Variants in GMPS observed in about 807,000 individuals in gnomAD.
GMPS encodes the protein guanosine monophosphate synthase, also known as GMP synthase [glutamine-hydrolyzing].
In GMPS, 15 loss-of-function variants were observed where a neutral mutation model predicts 77.9. The observed-to-expected ratio is 0.19, with a 90% CI of 0.13 to 0.30. The LOEUF (loss-of-function observed/expected upper bound fraction) is 0.30. Among genes scored for constraint, GMPS ranks in the 10% least tolerant of loss-of-function variants. The pLI, the probability that GMPS is intolerant of heterozygous loss-of-function variation, is 1.00. For synonymous variants in GMPS, 224 were observed against 275.9 expected, an observed-to-expected ratio of 0.81 and a Z score of 1.86; for missense variants, 590 against 838.8, an observed-to-expected ratio of 0.70 and a Z score of 3.66.
intron 5 of GMPS, among the ~76,000 whole-genome samples, chr3:155,907,536 C>G (rs1754924717): frequency 6.6e-6 from 1 of 152,072 alleles, no homozygotes; most frequent in Admixed American, 6.6e-5. Flanking sequence ...CTGCGGTGAG[C>G]TGTGGTTGTG....
chr3:155,907,471 C>T (rs1394496283), intron 5 of GMPS, among the ~76,000 whole-genome samples: 1 of 152,002 alleles, frequency 6.6e-6, no homozygotes, highest in African/African-American at 2.4e-5. Context: ...CATTTGCAGT[C>T]CTAGCTACTC....
chr3:155,922,237 A>G lies in GMPS; in HGVS notation c.1369A>G (p.Lys457Glu), dbSNP rs1755336907. Residue 457 changes from lysine (K) to glutamate (E), a missense_variant, in exon 11 of 16, where the codon AAG becomes GAG. Coordinates refer to ENST00000496455, the MANE Select transcript of GMPS (RefSeq NM_003875.3). ...ATGTGCTGAAGAACCTTATATTTGT[A>G]AGGACTTTCCTGAAACCAACAATAT... ...VICAEEPYIC[K>E]DFPETNNILK... The G allele has an allele frequency of 1.3e-6, 2 of 1,570,876 alleles. No individual in the cohort carries two copies. The highest frequency in any genetic ancestry group is 1.4e-5 in the African/African-American group (1 of 73,676).
At chr3:155,901,912 T>C (rs1754746537) in intron 3 of GMPS, among the ~76,000 whole-genome samples, 1 of 152,210 alleles carries the variant, frequency 6.6e-6, no homozygotes. Context: ...CTTCACTCTT[T>C]ATGGTTTCAC....
rs1159954174 is a variant in GMPS at position 155,942,815 on chromosome 3, T to C, written c.*5123T>C. The C allele has an allele frequency of 9.1e-6, 2 of 218,740 alleles. No homozygotes were observed. The highest frequency in any genetic ancestry group is 1.8e-5 in the Non-Finnish European group (2 of 109,014). The allele number at this position is 218,740 out of a possible 1,614,324, so 13.5% of individuals were successfully genotyped here. ...GGTCATGAAACAGACTGAGCTATTATTGCATCAACACATAAATCCTGTCAT... is the reference window on the plus strand; with the variant it reads ...GGTCATGAAACAGACTGAGCTATTACTGCATCAACACATAAATCCTGTCAT... On this transcript the variant is annotated 3_prime_UTR_variant, in exon 16 of 16. Transcript: ENST00000496455.
intron 5 of GMPS, among the ~76,000 whole-genome samples, chr3:155,910,287 G>T (rs1265693483): frequency 1.3e-5 from 2 of 151,790 alleles, no homozygotes; most frequent in African/African-American, 4.8e-5. Flanking sequence ...AAATAAAATT[G>T]GCTGGGAGCA....
At chr3:155,875,597 A>G (rs1446435458) in intron 1 of GMPS, among the ~76,000 whole-genome samples, 2 of 152,222 alleles carry the variant, frequency 1.3e-5, no homozygotes, top group Non-Finnish European at 2.9e-5. Context: ...AAAATGAATG[A>G]AAGTGTCAGG....
At chr3:155,904,413 C>G (rs1161543604) in intron 4 of GMPS, among the ~76,000 whole-genome samples, 1 of 152,002 alleles carries the variant, frequency 6.6e-6, no homozygotes, top group African/African-American at 2.4e-5. Context: ...CCTCAGCCTC[C>G]CGAGTAGCTG....
intron 2 of GMPS, among the ~76,000 whole-genome samples, chr3:155,894,467 A>G (rs1432393078): frequency 6.6e-6 from 1 of 152,052 alleles, no homozygotes; most frequent in East Asian, 1.9e-4. Flanking sequence ...CAGGTGATCC[A>G]CCTACCTAGG....
chr3:155,891,627 A>T (rs1202883362), intron 1 of GMPS, among the ~76,000 whole-genome samples: 9 of 122,424 alleles, frequency 7.4e-5, no homozygotes, highest in African/African-American at 2.8e-4. Context: ...TTTTTTTGAG[A>T]TGGAGTTTTG....
In GMPS at chr3:155,870,849, C is replaced by T. The variant is rs756582250; in HGVS notation, c.-22C>T. On this transcript the variant is annotated 5_prime_UTR_variant, in exon 1 of 16. Coordinates refer to ENST00000496455, the MANE Select transcript of GMPS (RefSeq NM_003875.3). ...CGTCTCGTACTGTCGCCGTCACCGC[C>T]GCGGCTCCGGCCCTGGCCCCGATGG... is the stretch of plus-strand genomic sequence containing the variant. 13 of 1,490,038 alleles carry T rather than the reference C, an allele frequency of 8.7e-6. No homozygotes were observed. The South Asian group carries it at 1.5e-4, about 17-fold the overall frequency. 92.3% of individuals were successfully genotyped at this position (1,490,038 alleles called of 1,614,324 possible).
At chr3:155,891,341 T>C (rs1362665634) in intron 1 of GMPS, among the ~76,000 whole-genome samples, 1 of 152,198 alleles carries the variant, frequency 6.6e-6, no homozygotes, top group Non-Finnish European at 1.5e-5. Context: ...AATAATGTAG[T>C]GTTTAAAAAT....
intron 1 of GMPS, among the ~76,000 whole-genome samples, chr3:155,878,545 A>G (rs1754117022): frequency 6.6e-6 from 1 of 152,054 alleles, no homozygotes; most frequent in Admixed American, 6.6e-5. Context: ...TCATAGAGTG[A>G]CTCCGTTTAA....
At chr3:155,906,083 G>A in intron 4 of GMPS, 77 bp from the exon 5 acceptor site, 3 of 739,698 alleles carry the variant, frequency 4.1e-6, no homozygotes, top group Non-Finnish European at 6.4e-6. Context: ...TGGCAAGCTT[G>A]TGTTTCTAAA....
Position 155,893,590 on chromosome 3 carries a change from G to A in GMPS, c.100G>A (p.Gly34Ser). ...YEGAVVILDA[G>S]AQYGKVIDRR... ...AGGAGCTGTTGTCATTCTGGATGCT[G>A]GTGCTCAGTACGGGAAAGTCATAGA... Residue 34 changes from glycine (G) to serine (S), a missense_variant, in exon 2 of 16, where the codon GGT becomes AGT. By Grantham distance (56) the Gly-to-Ser change is moderately conservative (BLOSUM62 0). Coordinates refer to ENST00000496455, the MANE Select transcript of GMPS (RefSeq NM_003875.3). The A allele has an allele frequency of 6.2e-7, 1 of 1,612,194 alleles. No homozygotes were observed. Among genetic ancestry groups the A allele is most frequent in the Non-Finnish European group, 8.5e-7 (1 of 1,178,332 alleles).
At chr3:155,896,470 C>T (rs1432395857) in intron 2 of GMPS, among the ~76,000 whole-genome samples, 1 of 152,156 alleles carries the variant, frequency 6.6e-6, no homozygotes, top group African/African-American at 2.4e-5. Context: ...TACCACATCT[C>T]AGGTTGCCCA....
rs1391960882 is a variant in GMPS at position 155,938,485 on chromosome 3, T to C, written c.*793T>C. 3 of 210,596 alleles carry C rather than the reference T, an allele frequency of 1.4e-5. No homozygotes were observed. Among genetic ancestry groups the C allele is most frequent in the African/African-American group, 4.5e-5 (2 of 44,100 alleles). The allele number at this position is 210,596 out of a possible 1,614,324, so 13.0% of individuals were successfully genotyped here. On this transcript the variant is annotated 3_prime_UTR_variant, in exon 16 of 16. Coordinates refer to ENST00000496455, the MANE Select transcript of GMPS (RefSeq NM_003875.3). ...GCATAGAAAGTTTCTGTTATCTCCT[T>C]AGAAGAAACTGGCTCAATGACGTTT...
chr3:155,916,595 A>G (rs1246115164), intron 9 of GMPS, among the ~76,000 whole-genome samples: 1 of 152,154 alleles, frequency 6.6e-6, no homozygotes, highest in Non-Finnish European at 1.5e-5. Flanking sequence ...CATGTATCAG[A>G]ACTTTATTCC....
intron 12 of GMPS, among the ~76,000 whole-genome samples, chr3:155,928,832 CAATTTCATCCATGTCCTTACAAAG>C (rs1378158254): frequency 6.6e-6 from 1 of 151,216 alleles, no homozygotes; most frequent in Non-Finnish European, 1.5e-5. Flanking sequence ...TGATGATTTC[CAATTTCATCCATGTCCTTACAAAG>C]GACATGAACT....
At chr3:155,889,000 T>TAA (rs1309205085) in intron 1 of GMPS, among the ~76,000 whole-genome samples, 5 of 152,236 alleles carry the variant, frequency 3.3e-5, no homozygotes, top group African/African-American at 1.2e-4. Context: ...GTGCTGGTAT[T>TAA]ACAGGCTTTA....
Sources: gnomAD v4.1 joint callset for allele counts (sites outside exome capture counted in the v4.1 genomes callset) on GRCh38, gnomAD v4.1.1 for gene constraint, MANE v1.5 for transcripts, NCBI Gene and HGNC (gene_info 2026-07-23, HGNC 2026-07-21) for gene names.